The following VWA8 variants were observed in gnomAD, a reference collection of about 807,000 sequenced individuals.
The protein encoded by VWA8 is von Willebrand factor A domain-containing protein 8.
In VWA8, 221 loss-of-function variants were observed where a neutral mutation model predicts 241.5. That is an observed-to-expected ratio of 0.91 (90% confidence interval 0.82 to 1.02). The LOEUF (loss-of-function observed/expected upper bound fraction) is 1.02, where lower values mean the gene tolerates loss of function less well. Ranked by LOEUF, VWA8 falls within the 50% of genes least tolerant of loss-of-function variation. The pLI is 0.00. For synonymous variants in VWA8, 852 were observed against 827.1 expected (o/e 1.03, Z -0.52); for missense variants, 2,322 against 2,328.7 (o/e 1.00, Z 0.06).
intron 17 of VWA8, among the ~76,000 whole-genome samples, chr13:41,788,913 GA>G (rs1869327761): frequency 6.6e-6 from 1 of 152,142 alleles, no homozygotes; most frequent in African/African-American, 2.4e-5. Context: ...GCCCTGTGTG[GA>G]AACATTTCTA....
intron 2 of VWA8, among the ~76,000 whole-genome samples, chr13:41,949,031 T>TAAA (rs35506856): frequency 5.5e-3 from 350 of 63,358 alleles, no homozygotes; most frequent in African/African-American, 7.9e-3. Flanking sequence ...TCTACCATCA[T>TAAA]AAAAAAAAAA....
chr13:41,761,266 A>G (rs2045737906), intron 20 of VWA8, 62 bp from the exon 21 acceptor site: 2 of 1,491,734 alleles, frequency 1.3e-6, no homozygotes, highest in African/African-American at 2.8e-5. Flanking sequence ...AGCTTATGCC[A>G]AATCAGAAGA....
rs925745125 is a variant in VWA8, at chr13:41,865,759, T to C, written c.1402A>G (p.Ile468Val). ...ACCTGATAGAGCATAATAGGTTCTA[T>C]GTTGTATCCTAAGGTATCGGCAAAG... ...KNFADTLGYNIEPIMLYQDMT... is the reference protein window; with the variant it reads ...KNFADTLGYNVEPIMLYQDMT... Residue 468 changes from isoleucine (I) to valine (V), a missense_variant, in exon 12 of 45, where the codon ATA becomes GTA. Transcript: ENST00000379310. 1 of 1,613,988 alleles carries C rather than the reference T, an allele frequency of 6.2e-7. No individual in the cohort carries two copies. Among genetic ancestry groups the C allele is most frequent in the African/African-American group, 1.3e-5 (1 of 74,942 alleles).
chr13:41,913,137 T>A (rs903685435), intron 2 of VWA8, among the ~76,000 whole-genome samples: 2 of 151,884 alleles, frequency 1.3e-5, no homozygotes, highest in African/African-American at 4.8e-5. Flanking sequence ...TGAAAAAAAA[T>A]AAGAATAAAT....
chr13:41,729,715 A>C (rs946413144), intron 22 of VWA8, 38 bp from the exon 23 acceptor site: 1 of 1,590,886 alleles, frequency 6.3e-7, no homozygotes, highest in Non-Finnish European at 8.5e-7. Context: ...CAATTAAATG[A>C]AGACAGCCAT....
chr13:41,883,332 G>C, intron 9 of VWA8, 55 bp downstream of exon 9: 2 of 1,427,484 alleles, frequency 1.4e-6, no homozygotes, highest in Non-Finnish European at 2.0e-6. Flanking sequence ...GATGGGAAAA[G>C]GCAAGGGAAG....
At chr13:41,719,262 T>C (rs970003057) in intron 26 of VWA8, 13 of 790,450 alleles carry the variant, frequency 1.6e-5, no homozygotes, top group African/African-American at 1.3e-4. Context: ...GTGATTTTCA[T>C]GCTCGTACAA....
intron 2 of VWA8, among the ~76,000 whole-genome samples, chr13:41,924,468 A>T (rs1299958031): frequency 6.6e-6 from 1 of 151,906 alleles, no homozygotes; most frequent in Non-Finnish European, 1.5e-5. Flanking sequence ...AAGAAAGGAA[A>T]AGAAAAAAGA....
chr13:41,742,832 T>C (rs553648870), intron 21 of VWA8, among the ~76,000 whole-genome samples: 2 of 152,294 alleles, frequency 1.3e-5, no homozygotes, highest in South Asian at 4.1e-4. Flanking sequence ...CAACATGCAT[T>C]TTTCAATCTC....
intron 24 of VWA8, among the ~76,000 whole-genome samples, chr13:41,726,629 A>T (rs1196244190): frequency 2.0e-5 from 3 of 152,174 alleles, no homozygotes; most frequent in Non-Finnish European, 4.4e-5. Flanking sequence ...TTAAGAAAAA[A>T]GACTCTGGGA....
At chr13:41,766,872 A>G (rs751235128) in intron 20 of VWA8, among the ~76,000 whole-genome samples, 10 of 152,134 alleles carry the variant, frequency 6.6e-5, no homozygotes, top group Non-Finnish European at 7.3e-5. Flanking sequence ...AATGTCATGG[A>G]GTCAAAGATC....
intron 12 of VWA8, among the ~76,000 whole-genome samples, chr13:41,864,956 T>C (rs1164132203): frequency 2.8e-5 from 4 of 144,682 alleles, no homozygotes; most frequent in Non-Finnish European, 3.0e-5. Flanking sequence ...TGCCATTGCA[T>C]TGCAGCCTGG....
At chr13:41,575,863 T>C in intron 42 of VWA8, 25 bp from the exon 43 acceptor site, 1 of 1,551,136 alleles carries the variant, frequency 6.4e-7, no homozygotes, top group South Asian at 1.2e-5. Context: ...ACCAGAAAGT[T>C]ATAAACTTTT....
intron 4 of VWA8, among the ~76,000 whole-genome samples, chr13:41,894,997 CT>C (rs1024132154): frequency 2.0e-5 from 3 of 150,390 alleles, no homozygotes; most frequent in African/African-American, 4.9e-5. Flanking sequence ...AGATAACAGT[CT>C]TTTTTTTTAA....
intron 4 of VWA8, among the ~76,000 whole-genome samples, chr13:41,898,484 T>A (rs1875249030): frequency 6.6e-6 from 1 of 152,174 alleles, no homozygotes; most frequent in Non-Finnish European, 1.5e-5. Flanking sequence ...ACTCTCCACA[T>A]CCCCACCAGA....
intron 37 of VWA8, among the ~76,000 whole-genome samples, chr13:41,629,621 A>G (rs1197047796): frequency 6.6e-6 from 1 of 151,740 alleles, no homozygotes; most frequent in Non-Finnish European, 1.5e-5. Flanking sequence ...ATAGATATAT[A>G]CAATGAAAGT....
intron 1 of VWA8, among the ~76,000 whole-genome samples, chr13:41,958,199 T>A (rs1878433812): frequency 6.6e-6 from 1 of 152,244 alleles, no homozygotes; most frequent in Non-Finnish European, 1.5e-5. Flanking sequence ...TGACCTATTT[T>A]CCTTCTGCTT....
In VWA8 at chr13:41,719,292, C is replaced by T. The variant is rs571933205; in HGVS notation, c.3116+299G>A. On this transcript the variant is annotated intron_variant, in intron 26 of 44. Transcript: ENST00000379310. ...GTACAATGATGTGCACTGGATTATA[C>T]GAAATAGTAATACGCATAGTAATTC... 7.5e-5 allele frequency: 83 copies of T among 1,101,036 alleles called. No individual in the cohort carries two copies. In the East Asian group the frequency reaches 1.1e-3, roughly 14 times the overall value. The allele number at this position is 1,101,036 out of a possible 1,614,324, so 68.2% of individuals were successfully genotyped here.
At chr13:41,935,178 G>T (rs1041073021) in intron 2 of VWA8, among the ~76,000 whole-genome samples, 1 of 152,162 alleles carries the variant, frequency 6.6e-6, no homozygotes, top group Non-Finnish European at 1.5e-5. Flanking sequence ...TCAGGGTAGT[G>T]TGGCTGGTCA....
Sources: gnomAD v4.1 joint callset for allele counts (sites outside exome capture counted in the v4.1 genomes callset) on GRCh38, gnomAD v4.1.1 for gene constraint, MANE v1.5 for transcripts, NCBI Gene and HGNC (gene_info 2026-07-23, HGNC 2026-07-21) for gene names.